TDRP: variants seen among roughly 807,000 people sequenced by gnomAD.
TDRP encodes testis development-related protein.
In TDRP, 12 loss-of-function variants were observed where a neutral mutation model predicts 10.5. The observed-to-expected ratio is 1.15, with a 90% CI of 0.73 to 1.86. The LOEUF (loss-of-function observed/expected upper bound fraction) is 1.86, where lower values mean the gene tolerates loss of function less well. Among genes scored for constraint, TDRP ranks in the 40% most tolerant of loss-of-function variants. The pLI, the probability that TDRP is intolerant of heterozygous loss-of-function variation, is 0.00. For missense variants in TDRP, 353 were observed against 229.2 expected (o/e 1.54, Z -3.49); for synonymous variants, 139 against 95.4 (o/e 1.46, Z -2.67).
Position 541,304 on chromosome 8 carries a change from CCA to C in TDRP, c.108+3344_108+3345del, listed in dbSNP as rs764293921. ...TAACCTTAATAAAGTAACATAAAAA[CCA>C]CAGTCAAAATTCACAACTAGCACAT... is the stretch of plus-strand genomic sequence containing the variant. On this transcript the variant is annotated intron_variant, in intron 1 of 2. Transcript: ENST00000324079. Among the ~76,000 whole-genome samples, 10 of 152,248 alleles carry C rather than the reference CCA, an allele frequency of 6.6e-5. No homozygotes were observed. The East Asian group carries it at 1.9e-3, about 29-fold the overall frequency.
chr8:540,954 G>C (rs1389373904), intron 1 of TDRP, among the ~76,000 whole-genome samples: 1 of 152,168 alleles, frequency 6.6e-6, no homozygotes, highest in Non-Finnish European at 1.5e-5. Context: ...GACAGATTTG[G>C]AGGGTAGGAC....
chr8:525,696 C>CA (rs1802017753), intron 1 of TDRP, among the ~76,000 whole-genome samples: 2 of 151,172 alleles, frequency 1.3e-5, no homozygotes, highest in African/African-American at 4.9e-5. Flanking sequence ...AATGGATACA[C>CA]AAAAAATAAA....
At chr8:516,112 T>A (rs112346784) in intron 1 of TDRP, among the ~76,000 whole-genome samples, 161 of 152,246 alleles carry the variant, frequency 1.1e-3, no homozygotes, top group African/African-American at 3.7e-3. Context: ...AAAAAATATA[T>A]AATTTATCCT....
chr8:520,366 G>C (rs1801870394), intron 1 of TDRP, among the ~76,000 whole-genome samples: 1 of 152,154 alleles, frequency 6.6e-6, no homozygotes, highest in South Asian at 2.1e-4. Context: ...CACAGACATG[G>C]AGGCTGCTTC....
At chr8:529,175 C>T (rs1228091154) in intron 1 of TDRP, among the ~76,000 whole-genome samples, 1 of 152,166 alleles carries the variant, frequency 6.6e-6, no homozygotes, top group African/African-American at 2.4e-5. Context: ...CCTCCTTTGG[C>T]AACACCCTCA....
In TDRP at chr8:491,762, C is replaced by G; in HGVS notation, c.*637G>C. On this transcript the variant is annotated 3_prime_UTR_variant, in exon 3 of 3. Coordinates refer to ENST00000324079, the MANE Select transcript of TDRP (RefSeq NM_001384899.1). ...GTAAAAATAAAATTCCAAAAAAGAA[C>G]CACTGTTACTATCCAGTGGACATAC... is the stretch of plus-strand genomic sequence containing the variant. 1 of 1,396,264 alleles carries G rather than the reference C, an allele frequency of 7.2e-7. No individual in the cohort carries two copies. The highest frequency in any genetic ancestry group is 9.2e-7 in the Non-Finnish European group (1 of 1,084,748). The allele number at this position is 1,396,264 out of a possible 1,614,324, so 86.5% of individuals were successfully genotyped here. A position where few individuals can be genotyped will look rare whatever the true frequency, so the allele number is the denominator to read the frequency against.
chr8:524,339 G>A (rs1801982366), intron 1 of TDRP, among the ~76,000 whole-genome samples: 1 of 152,082 alleles, frequency 6.6e-6, no homozygotes, highest in Non-Finnish European at 1.5e-5. Context: ...GTACAAACAA[G>A]CCCAAACTGC....
chr8:505,219 T>C (rs1217340304), intron 1 of TDRP, among the ~76,000 whole-genome samples: 3 of 152,170 alleles, frequency 2.0e-5, no homozygotes, highest in Non-Finnish European at 4.4e-5. Flanking sequence ...GGTACAAATA[T>C]TCTTTTGTTC....
chr8:516,418 A>G (rs13258408), intron 1 of TDRP, among the ~76,000 whole-genome samples: 72,018 of 152,084 alleles, frequency 0.47, 18,393 homozygotes, highest in Non-Finnish European at 0.58. Context: ...AAACCCAACA[A>G]TAAGAAAACA....
chr8:531,424 G>A (rs1157580608), intron 1 of TDRP, among the ~76,000 whole-genome samples: 2 of 152,250 alleles, frequency 1.3e-5, no homozygotes, highest in African/African-American at 2.4e-5. Context: ...CATCTGAAGT[G>A]GGTGCAGTCT....
At chr8:497,855 C>A (rs897796669) in intron 1 of TDRP, among the ~76,000 whole-genome samples, 4 of 152,174 alleles carry the variant, frequency 2.6e-5, no homozygotes, top group African/African-American at 9.7e-5. Context: ...CTCCACCTCC[C>A]GCAGTGGCTA....
At position 512,366 on chromosome 8, in the gene TDRP, G is replaced by A. The variant is rs192434096; in HGVS notation, c.109-17769C>T. ...GAGAATCACTTGAACCCGGGAGGCG[G>A]AGGCTGCAGTGAGCCAAGATCGTGC... is the stretch of plus-strand genomic sequence containing the variant. On this transcript the variant is annotated intron_variant, in intron 1 of 2. Coordinates refer to ENST00000324079, the MANE Select transcript of TDRP (RefSeq NM_001384899.1). Among the ~76,000 whole-genome samples the A allele has an allele frequency of 6.4e-3, 967 of 152,258 alleles. 6 individuals carry two copies. The highest frequency in any genetic ancestry group is 0.014 in the South Asian group (69 of 4,826).
intron 1 of TDRP, among the ~76,000 whole-genome samples, chr8:525,281 A>G (rs1039133269): frequency 1.3e-5 from 2 of 152,202 alleles, no homozygotes; most frequent in African/African-American, 4.8e-5. Context: ...ATTTTCACCA[A>G]CACCAGATCT....
chr8:511,450 C>G (rs1413045653), intron 1 of TDRP, among the ~76,000 whole-genome samples: 1 of 151,920 alleles, frequency 6.6e-6, no homozygotes, highest in Non-Finnish European at 1.5e-5. Flanking sequence ...TACATAGTAA[C>G]AAGGCAACAA....
intron 1 of TDRP, among the ~76,000 whole-genome samples, chr8:500,960 A>G (rs1357249069): frequency 2.0e-5 from 3 of 152,186 alleles, no homozygotes; most frequent in Non-Finnish European, 4.4e-5. Context: ...TAATCCCAGC[A>G]CTCTGGGAGG....
chr8:518,581 T>TA (rs907393445), intron 1 of TDRP, among the ~76,000 whole-genome samples: 14 of 152,152 alleles, frequency 9.2e-5, no homozygotes, highest in Non-Finnish European at 1.2e-4. Flanking sequence ...GAAAGCTGAG[T>TA]AACTATTTTG....
At chr8:538,714 C>G (rs1802413793) in intron 1 of TDRP, among the ~76,000 whole-genome samples, 1 of 152,154 alleles carries the variant, frequency 6.6e-6, no homozygotes, top group East Asian at 1.9e-4. Context: ...GGTAGTGGGA[C>G]TGGGGGAGAA....
chr8:539,744 G>A (rs141467420), intron 1 of TDRP, among the ~76,000 whole-genome samples: 3 of 152,254 alleles, frequency 2.0e-5, no homozygotes, highest in East Asian at 1.9e-4. Context: ...ATTTCAGAGC[G>A]ATCGTCAATA....
At chr8:544,539 G>A in intron 1 of TDRP, 111 bp downstream of exon 1, 9 of 725,496 alleles carry the variant, frequency 1.2e-5, no homozygotes, top group Non-Finnish European at 1.3e-5. Context: ...TCACCTGCCC[G>A]CCCAAACTGT....
Sources: allele counts gnomAD v4.1 joint callset (sites outside exome capture counted in the v4.1 genomes callset), GRCh38; gene constraint gnomAD v4.1.1; transcripts MANE v1.5; gene names NCBI Gene and HGNC (gene_info 2026-07-23, HGNC 2026-07-21).